The following PSG1 variants were observed in gnomAD, a reference collection of about 807,000 sequenced individuals.
PSG1 encodes the protein pregnancy specific beta-1-glycoprotein 1.
In PSG1, 60 loss-of-function variants were observed where a neutral mutation model predicts 41.4. The ratio of observed to expected loss-of-function variants is 1.45; its 90% CI spans 1.18 to 1.80. The LOEUF (loss-of-function observed/expected upper bound fraction) is 1.80, where lower values mean the gene tolerates loss of function less well. Ranked by LOEUF, PSG1 falls within the 40% of genes most tolerant of loss-of-function variation. The pLI is 0.00. For missense variants in PSG1, 806 were observed against 516.9 expected (o/e 1.56, Z -5.42); for synonymous variants, 256 against 192.9 (o/e 1.33, Z -2.71).
Position 42,871,954 on chromosome 19 carries a change from T to C in PSG1, c.522A>G (p.Pro174=), listed in dbSNP as rs707753. 16 of 1,612,382 alleles carry C rather than the reference T, an allele frequency of 9.9e-6. No homozygotes were observed. Among genetic ancestry groups the C allele is most frequent in the African/African-American group, 1.3e-5 (1 of 74,674 alleles). The change falls in exon 3 of 6, where the codon CCA becomes CCG. Residue 174 remains proline (P), a synonymous_variant. Transcript: ENST00000436291. ...TCATCCACCACAGGTAGCTTGCGTCTGGAGTCTCAGGGTCACAGGTTAAGC... is the reference window on the plus strand; with the variant it reads ...TCATCCACCACAGGTAGCTTGCGTCCGGAGTCTCAGGGTCACAGGTTAAGC... The part of the protein sequence containing the change: ...AVSLTCDPET[P]DASYLWWMNG...
rs770518942 is a variant in PSG1, at chr19:42,868,796, A to C, written c.948T>G (p.Tyr316Ter). ...TGACTGGGTCACTGCGGATGCCACC[A>C]TATCGGTCCCGTATTTCACATTGAT... ...GPYQCEIRDR[Y>*]GGIRSDPVTL... The change falls in exon 4 of 6, where the codon TAT becomes TAG. Residue 316 changes from tyrosine (Y) to a stop codon, truncating the protein, a stop_gained. Coordinates refer to ENST00000436291, the MANE Select transcript of PSG1 (RefSeq NM_001184825.2). LOFTEE classifies it high-confidence loss of function. The C allele has an allele frequency of 4.6e-5, 74 of 1,611,890 alleles. 3 individuals are homozygous for C. The South Asian group carries it at 7.8e-4, about 17-fold the overall frequency.
chr19:42,876,147 A>G lies in PSG1; in HGVS notation c.430+1766T>C, dbSNP rs543800301. 1.2e-4 allele frequency among the ~76,000 whole-genome samples: 18 copies of G among 151,500 alleles called. 1 individual carries two copies. Among genetic ancestry groups the G allele is most frequent in the East Asian group, 9.7e-4 (5 of 5,138 alleles). On this transcript the variant is annotated intron_variant, in intron 2 of 5. Transcript: ENST00000436291. ...GAGGGAGTGTCTAGGGAAGGCCTAG[A>G]GGTGGAGGAAGAAGCTGTGCAGGAC...
intron 2 of PSG1, among the ~76,000 whole-genome samples, chr19:42,876,219 A>C (rs1219284364): frequency 1.3e-5 from 2 of 151,498 alleles, no homozygotes; most frequent in East Asian, 1.9e-4. Context: ...AGGGACACAG[A>C]GAAGCAGAGA....
intron 2 of PSG1, among the ~76,000 whole-genome samples, chr19:42,872,599 A>C (rs1248727595): frequency 1.3e-5 from 2 of 151,670 alleles, no homozygotes; most frequent in South Asian, 2.1e-4. Flanking sequence ...AGGTCAGTTC[A>C]GTCATCAGGC....
chr19:42,879,160 T>TTC lies in PSG1; in HGVS notation c.64+357_64+358insGA, dbSNP rs1373243931. Among the ~76,000 whole-genome samples the TTC allele has an allele frequency of 8.7e-5, 13 of 149,302 alleles. 1 individual carries two copies. The East Asian group carries it at 2.6e-3, about 29-fold the overall frequency. On this transcript the variant is annotated intron_variant, in intron 1 of 5. Transcript: ENST00000436291. ...TTCTTTCCTTTTTTTCTTTTTTCTT[T>TTC]TTTTTTTTTTGAGATGGAGTCTTGT...
rs763927686 is a variant in PSG1, at chr19:42,877,904, A to T, written c.430+9T>A. ...CCCCAACACCCAGGGATCATGTGGAATCACTTACGGTGTAAGGTGAAGGTG... is the reference window on the plus strand; with the variant it reads ...CCCCAACACCCAGGGATCATGTGGATTCACTTACGGTGTAAGGTGAAGGTG... On this transcript the variant is annotated intron_variant, in intron 2 of 5. Transcript: ENST00000436291. 23 of 1,611,866 alleles carry T rather than the reference A, an allele frequency of 1.4e-5. 1 individual carries two copies. Among genetic ancestry groups the T allele is most frequent in the Non-Finnish European group, 2.0e-5 (23 of 1,178,890 alleles).
chr19:42,879,657 C>G lies in PSG1; in HGVS notation c.-76G>C, dbSNP rs181255088. ...GAAACTCTCTGAGCACGGCTGTCAG[C>G]TGTGCTGTCCTTCCTCTTTCTGTGC... On this transcript the variant is annotated 5_prime_UTR_variant, in exon 1 of 6. Coordinates refer to ENST00000436291, the MANE Select transcript of PSG1 (RefSeq NM_001184825.2). 3.2e-6 allele frequency: 5 copies of G among 1,572,564 alleles called. No individual in the cohort carries two copies. In the South Asian group the frequency reaches 5.7e-5, roughly 18 times the overall value.
intron 3 of PSG1, 183 bp from the exon 4 acceptor site, chr19:42,869,217 C>G (rs1017856404): frequency 2.0e-5 from 27 of 1,338,144 alleles, no homozygotes; most frequent in African/African-American, 2.9e-5. Context: ...TGTGAGGCCG[C>G]CTTCTCTGTC....
chr19:42,869,266 G>A (rs918100175), intron 3 of PSG1: 6 of 953,646 alleles, frequency 6.3e-6, no homozygotes, highest in Admixed American at 2.9e-5. Context: ...CAATTGAGCA[G>A]CAGTGTTGGG....
At position 42,878,154 on chromosome 19, in the gene PSG1, G is replaced by A. The variant is rs1058659; in HGVS notation, c.189C>T (p.Thr63=). The A allele has an allele frequency of 2.0e-3, 3,181 of 1,612,042 alleles. 91 individuals are homozygous for A. The African/African-American group carries it at 0.02, about 10-fold the overall frequency. ...LLVHNLPQNL[T]GYIWYKGQMR... The stretch of plus-strand genomic sequence containing the variant: ...TTTGCCCTTTGTACCAGATGTAGCC[G>A]GTAAGATTCTGGGGCAAATTGTGGA... Residue 63 remains threonine (T), a synonymous_variant, in exon 2 of 6, where the codon ACC becomes ACT. Transcript: ENST00000436291.
chr19:42,872,257 T>C (rs1324073998), intron 2 of PSG1, among the ~76,000 whole-genome samples: 1 of 151,470 alleles, frequency 6.6e-6, no homozygotes, highest in East Asian at 1.9e-4. Context: ...GCACAGACTT[T>C]CTCAAGTGTG....
chr19:42,873,751 G>C (rs1971489856), intron 2 of PSG1, among the ~76,000 whole-genome samples: 1 of 151,566 alleles, frequency 6.6e-6, no homozygotes, highest in Non-Finnish European at 1.5e-5. Flanking sequence ...AAGGGAGAAA[G>C]GATGTCAAAT....
chr19:42,872,914 G>A (rs1484631823), intron 2 of PSG1, among the ~76,000 whole-genome samples: 1 of 151,758 alleles, frequency 6.6e-6, no homozygotes, highest in Admixed American at 6.6e-5. Flanking sequence ...GGCCCTCATG[G>A]ACCATATGTG....
intron 1 of PSG1, among the ~76,000 whole-genome samples, chr19:42,879,315 G>C (rs1470061042): frequency 6.6e-6 from 1 of 151,188 alleles, no homozygotes; most frequent in Non-Finnish European, 1.5e-5. Context: ...ACCATACCTG[G>C]TTAAATTTTT....
At chr19:42,872,746 G>A (rs554492773) in intron 2 of PSG1, among the ~76,000 whole-genome samples, 1 of 151,694 alleles carries the variant, frequency 6.6e-6, no homozygotes, top group African/African-American at 2.4e-5. Flanking sequence ...GATAGCTTTG[G>A]ACCAAGACCA....
rs1337611823 is a variant in PSG1 at position 42,867,165 on chromosome 19, TA to T, written c.1244-16del. 1 of 767,020 alleles carries T rather than the reference TA, an allele frequency of 1.3e-6. No homozygotes were observed. The highest frequency in any genetic ancestry group is 2.4e-6 in the Non-Finnish European group (1 of 417,406). The allele number at this position is 767,020 out of a possible 1,614,324, so 47.5% of individuals were successfully genotyped here. On this transcript the variant is annotated splice_polypyrimidine_tract_variant and intron_variant, in intron 5 of 5. Transcript: ENST00000436291. ...AACTGTCCAGTCTACAGGTGGATAA[TA>T]AAAACACAGAAACAATGAACAGAGC... is the stretch of plus-strand genomic sequence containing the variant.
intron 2 of PSG1, among the ~76,000 whole-genome samples, chr19:42,876,057 C>A (rs913677715): frequency 5.9e-5 from 9 of 151,434 alleles, no homozygotes; most frequent in East Asian, 3.9e-4. Context: ...TGCCTTTCCT[C>A]TTTCCTGGGA....
intron 4 of PSG1, among the ~76,000 whole-genome samples, 173 bp from the exon 5 acceptor site, chr19:42,868,528 A>G (rs570194169): frequency 6.6e-6 from 1 of 151,316 alleles, no homozygotes; most frequent in African/African-American, 2.4e-5. Flanking sequence ...TTCTCCCATC[A>G]CAAGCTGTGG....
intron 4 of PSG1, 101 bp from the exon 5 acceptor site, chr19:42,868,456 C>T: frequency 6.8e-7 from 1 of 1,478,246 alleles, no homozygotes; most frequent in Non-Finnish European, 9.1e-7. Flanking sequence ...CAAGACACAC[C>T]CTCAAGTCCC....
Sources: allele counts gnomAD v4.1 joint callset (sites outside exome capture counted in the v4.1 genomes callset), GRCh38; gene constraint gnomAD v4.1.1; transcripts MANE v1.5; gene names NCBI Gene and HGNC (gene_info 2026-07-23, HGNC 2026-07-21).